Variants in VAPB observed in about 807,000 individuals in gnomAD.
VAPB encodes the protein VAMP associated protein B and C.
Under a neutral mutation model 25.6 loss-of-function variants are expected in VAPB, and 7 were observed. The ratio of observed to expected loss-of-function variants is 0.27; its 90% CI spans 0.16 to 0.51. The LOEUF is 0.51. VAPB is among the 20% of genes least tolerant of loss of function. VAPB has a pLI of 0.97. For synonymous variants in VAPB, 112 were observed against 109.2 expected (o/e 1.03, Z -0.16); for missense variants, 266 against 301.3 (o/e 0.88, Z 0.87).
chr20:58,403,504 G>A (rs1568700705), intron 1 of VAPB, among the ~76,000 whole-genome samples: 2 of 152,138 alleles, frequency 1.3e-5, no homozygotes, highest in East Asian at 1.9e-4. Context: ...TCTTTCATCA[G>A]ACCTCACCCC....
chr20:58,420,326 T>G (rs2123062336), intron 2 of VAPB, among the ~76,000 whole-genome samples: 1 of 152,280 alleles, frequency 6.6e-6, no homozygotes, highest in Middle Eastern at 3.4e-3. Flanking sequence ...TTCCCCATCA[T>G]AGGAATTTTT....
At chr20:58,414,720 A>T (rs1252048831) in intron 1 of VAPB, among the ~76,000 whole-genome samples, 2 of 151,084 alleles carry the variant, frequency 1.3e-5, no homozygotes, top group Non-Finnish European at 2.9e-5. Context: ...GGCCGGTCGG[A>T]GACGCTCCTC....
chr20:58,389,910 G>T (rs1045560163), intron 1 of VAPB, among the ~76,000 whole-genome samples: 2 of 152,210 alleles, frequency 1.3e-5, no homozygotes. Flanking sequence ...GGTGTCAGCT[G>T]CTCAGAGAGG....
intron 1 of VAPB, among the ~76,000 whole-genome samples, chr20:58,412,332 C>T (rs1221433874): frequency 6.6e-6 from 1 of 152,130 alleles, no homozygotes; most frequent in Admixed American, 6.5e-5. Flanking sequence ...CTAATCCCAG[C>T]ACTTTGGGAT....
chr20:58,416,874 A>C (rs1568708580), intron 1 of VAPB, among the ~76,000 whole-genome samples: 1 of 152,222 alleles, frequency 6.6e-6, no homozygotes, highest in East Asian at 1.9e-4. Context: ...GTGAATATGT[A>C]GATTGAGATC....
At chr20:58,398,700 C>G in intron 1 of VAPB, among the ~76,000 whole-genome samples, 1 of 152,188 alleles carries the variant, frequency 6.6e-6, no homozygotes. Context: ...ACACTGTGCG[C>G]TTGCCATTTT....
intron 1 of VAPB, among the ~76,000 whole-genome samples, chr20:58,406,620 T>C (rs1343980868): frequency 1.3e-5 from 2 of 152,248 alleles, no homozygotes; most frequent in African/African-American, 2.4e-5. Context: ...CTGGTGTGAA[T>C]TGGATGTGTT....
At chr20:58,408,508 T>C (rs1344970156) in intron 1 of VAPB, among the ~76,000 whole-genome samples, 2 of 152,164 alleles carry the variant, frequency 1.3e-5, no homozygotes, top group African/African-American at 2.4e-5. Flanking sequence ...ATCAAGAAAA[T>C]AGATTTTTAA....
intron 2 of VAPB, among the ~76,000 whole-genome samples, chr20:58,433,463 G>GTGGTAGAAGCCC (rs1381098829): frequency 3.9e-5 from 6 of 152,198 alleles, no homozygotes; most frequent in African/African-American, 1.4e-4. Flanking sequence ...CAGCAGAAAG[G>GTGGTAGAAGCCC]TGGTAGAAGC....
At chr20:58,395,173 G>A (rs1360432730) in intron 1 of VAPB, among the ~76,000 whole-genome samples, 1 of 128,590 alleles carries the variant, frequency 7.8e-6, no homozygotes, top group Non-Finnish European at 1.6e-5. Flanking sequence ...TTTTTTTTGA[G>A]ATGGAGTCTT....
chr20:58,443,608 T>A (rs1056029169), intron 5 of VAPB, among the ~76,000 whole-genome samples: 1 of 151,544 alleles, frequency 6.6e-6, no homozygotes, highest in African/African-American at 2.4e-5. Context: ...ATTCTTTTAT[T>A]TATATATTTA....
chr20:58,389,243 C>T lies in VAPB; in HGVS notation c.-217C>T, dbSNP rs1490462927. 2 of 660,184 alleles carry T rather than the reference C, an allele frequency of 3.0e-6. No individual in the cohort carries two copies. The highest frequency in any genetic ancestry group is 5.5e-6 in the Non-Finnish European group (2 of 362,624). 40.9% of individuals were successfully genotyped at this position (660,184 alleles called of 1,614,324 possible). On this transcript the variant is annotated 5_prime_UTR_variant, in exon 1 of 6. Transcript: ENST00000475243. Reference sequence around the variant, plus strand: ...CGTGCGTGCGTGCGTGCCGTCAGCTCGCCGGGCACCGCGGCCTCGCCCTCG... The same window carrying T: ...CGTGCGTGCGTGCGTGCCGTCAGCTTGCCGGGCACCGCGGCCTCGCCCTCG...
At chr20:58,440,530 A>G (rs1334234900) in intron 4 of VAPB, 21 of 269,978 alleles carry the variant, frequency 7.8e-5, no homozygotes, top group Non-Finnish European at 6.5e-5. Context: ...CACTAAGGCA[A>G]TCCTAGGGAT....
At chr20:58,436,014 A>C (rs1989037275) in intron 3 of VAPB, among the ~76,000 whole-genome samples, 2 of 152,026 alleles carry the variant, frequency 1.3e-5, no homozygotes, top group Non-Finnish European at 2.9e-5. Flanking sequence ...TGAGGTTTTG[A>C]TCATTTGTAA....
chr20:58,413,734 G>A (rs1392085830), intron 1 of VAPB, among the ~76,000 whole-genome samples: 1 of 151,288 alleles, frequency 6.6e-6, no homozygotes, highest in Non-Finnish European at 1.5e-5. Context: ...GGGCAGAGGC[G>A]CCCGTCACCT....
chr20:58,413,033 CTT>C (rs1988419038), intron 1 of VAPB, among the ~76,000 whole-genome samples: 1 of 151,602 alleles, frequency 6.6e-6, no homozygotes, highest in South Asian at 2.1e-4. Context: ...CAAACCAGAA[CTT>C]TATACATCTT....
At chr20:58,396,612 G>A (rs904438645) in intron 1 of VAPB, among the ~76,000 whole-genome samples, 1 of 152,172 alleles carries the variant, frequency 6.6e-6, no homozygotes, top group African/African-American at 2.4e-5. Context: ...GGAACCTAAG[G>A]ATCTGGGAGT....
chr20:58,444,305 A>G lies in VAPB; in HGVS notation c.*70A>G. The G allele has an allele frequency of 1.9e-6, 3 of 1,611,702 alleles. No individual in the cohort carries two copies. The highest frequency in any genetic ancestry group is 2.5e-6 in the Non-Finnish European group (3 of 1,178,036). On this transcript the variant is annotated 3_prime_UTR_variant, in exon 6 of 6. Transcript: ENST00000475243. ...TATCATGGGATTTAAATTTATCATA[A>G]CCATGTGTAAAAAGAAATTAATGTA...
At chr20:58,424,969 A>G (rs963720285) in intron 2 of VAPB, among the ~76,000 whole-genome samples, 2 of 152,266 alleles carry the variant, frequency 1.3e-5, no homozygotes, top group Non-Finnish European at 2.9e-5. Flanking sequence ...CAAGGTGGTC[A>G]TGATCTCAAC....
Sources: gnomAD v4.1 joint callset for allele counts (sites outside exome capture counted in the v4.1 genomes callset) on GRCh38, gnomAD v4.1.1 for gene constraint, MANE v1.5 for transcripts, NCBI Gene and HGNC (gene_info 2026-07-23, HGNC 2026-07-21) for gene names.